Variants in ST14 observed in about 807,000 individuals in gnomAD.
ST14 encodes ST14 transmembrane serine protease matriptase, also known as suppressor of tumorigenicity 14 protein.
Under a neutral mutation model 96.5 loss-of-function variants are expected in ST14, and 40 were observed. The ratio of observed to expected loss-of-function variants is 0.41; its 90% CI spans 0.32 to 0.54. The LOEUF is 0.54. Among genes scored for constraint, ST14 ranks in the 20% least tolerant of loss-of-function variants. The pLI, the probability that ST14 is intolerant of heterozygous loss-of-function variation, is 0.17. For synonymous variants in ST14, 506 were observed against 492.1 expected, an observed-to-expected ratio of 1.03 and a Z score of -0.37; for missense variants, 1,066 against 1,188.9, an observed-to-expected ratio of 0.90 and a Z score of 1.52.
At chr11:130,169,429 G>A (rs1953070015) in intron 1 of ST14, among the ~76,000 whole-genome samples, 1 of 152,136 alleles carries the variant, frequency 6.6e-6, no homozygotes, top group African/African-American at 2.4e-5. Context: ...CACCATGTTA[G>A]TAGTAGAGGA....
chr11:130,183,961 T>C (rs1363827598), intron 1 of ST14, among the ~76,000 whole-genome samples: 2 of 152,230 alleles, frequency 1.3e-5, no homozygotes, highest in Admixed American at 1.3e-4. Context: ...CCAAAAGGTA[T>C]GCACTGCTGG....
intron 1 of ST14, among the ~76,000 whole-genome samples, chr11:130,172,785 C>T (rs1953104845): frequency 6.6e-6 from 1 of 152,148 alleles, no homozygotes; most frequent in African/African-American, 2.4e-5. Context: ...TGTGTATGTC[C>T]TTGTCTGGCT....
intron 1 of ST14, among the ~76,000 whole-genome samples, chr11:130,175,754 C>G (rs572991761): frequency 1.3e-5 from 2 of 151,812 alleles, no homozygotes; most frequent in East Asian, 1.9e-4. Context: ...ACCTCCACCC[C>G]CTGGGTTCAA....
chr11:130,190,420 C>G (rs769803248), intron 6 of ST14, 34 bp from the exon 7 acceptor site: 52 of 1,603,864 alleles, frequency 3.2e-5, no homozygotes, highest in Non-Finnish European at 4.2e-5. Flanking sequence ...CAGCCCTGCC[C>G]CCACACGTGC....
At chr11:130,167,369 T>C (rs1023382752) in intron 1 of ST14, among the ~76,000 whole-genome samples, 1 of 152,170 alleles carries the variant, frequency 6.6e-6, no homozygotes, top group Non-Finnish European at 1.5e-5. Context: ...AAATGTACAG[T>C]GTAAAATGTG....
At chr11:130,163,565 G>C (rs1247855847) in intron 1 of ST14, among the ~76,000 whole-genome samples, 1 of 152,164 alleles carries the variant, frequency 6.6e-6, no homozygotes, top group African/African-American at 2.4e-5. Flanking sequence ...AAACTTTAGA[G>C]AACTGCCTTT....
rs1953396284 is a variant in ST14, at chr11:130,198,712, T to A, written c.1684+91T>A. ...ACGCACATGCAGGACGCCCCGAGTT[T>A]AATGAACACAAACCACCTGTGTGTT... On this transcript the variant is annotated intron_variant, in intron 14 of 18. Coordinates refer to ENST00000278742, the MANE Select transcript of ST14 (RefSeq NM_021978.4). The A allele has an allele frequency of 2.9e-6, 4 of 1,369,444 alleles. No homozygotes were observed. In the East Asian group the frequency reaches 9.6e-5, roughly 33 times the overall value. 84.8% of individuals were successfully genotyped at this position (1,369,444 alleles called of 1,614,324 possible).
intron 16 of ST14, among the ~76,000 whole-genome samples, chr11:130,208,097 T>C (rs1050767015): frequency 6.6e-5 from 10 of 151,190 alleles, no homozygotes; most frequent in Non-Finnish European, 1.3e-4. Context: ...ATAAATAAAT[T>C]ATTTGGATTG....
chr11:130,196,595 G>A lies in ST14; in HGVS notation c.1249G>A (p.Val417Ile), dbSNP rs751947133. 32 of 1,612,626 alleles carry A rather than the reference G, an allele frequency of 2.0e-5. No individual in the cohort carries two copies. The Middle Eastern group carries it at 4.9e-4, about 25-fold the overall frequency. ...ATACTGCGGAGAGAGGTCCCAGTTC[G>A]TCGTCACCAGCAACAGCAACAAGAT... ...EKYCGERSQF[V>I]VTSNSNKITV... Residue 417 changes from valine (V) to isoleucine (I), a missense_variant, in exon 11 of 19, where the codon GTC becomes ATC. By Grantham distance (29) the Val-to-Ile change is conservative (BLOSUM62 3). Coordinates refer to ENST00000278742, the MANE Select transcript of ST14 (RefSeq NM_021978.4).
intron 16 of ST14, among the ~76,000 whole-genome samples, chr11:130,207,875 AGC>A (rs1470718467): frequency 6.6e-6 from 1 of 152,240 alleles, no homozygotes; most frequent in East Asian, 1.9e-4. Context: ...GATCGAGACC[AGC>A]CTGACCACCA....
intron 9 of ST14, among the ~76,000 whole-genome samples, 180 bp from the exon 10 acceptor site, chr11:130,196,159 C>CA (rs1953360019): frequency 6.6e-6 from 1 of 151,714 alleles, no homozygotes; most frequent in African/African-American, 2.4e-5. Context: ...GACTCCATCT[C>CA]AAAAAACAAA....
rs1197137551 is a variant in ST14, at chr11:130,188,901, G to A, written c.402G>A (p.Leu134=). The A allele has an allele frequency of 6.2e-7, 1 of 1,612,848 alleles. No individual in the cohort carries two copies. The highest frequency in any genetic ancestry group is 8.5e-7 in the Non-Finnish European group (1 of 1,179,594). Residue 134 remains leucine, a synonymous_variant, in exon 4 of 19, where the codon CTG becomes CTA. Coordinates refer to ENST00000278742, the MANE Select transcript of ST14 (RefSeq NM_021978.4). The surrounding 1 kb of genome is among the most constrained non-coding windows in gnomAD (Gnocchi z 5.4). ...TGCTGTACAGCGGAGTCCCATTCCT[G>A]GGCCCCTACCACAAGGAGTCGGCTG... is the stretch of plus-strand genomic sequence containing the variant. ...LKLLYSGVPF[L]GPYHKESAVT...
intron 1 of ST14, among the ~76,000 whole-genome samples, chr11:130,164,505 G>T (rs552512120): frequency 6.7e-6 from 1 of 149,688 alleles, no homozygotes; most frequent in East Asian, 2.0e-4. Flanking sequence ...CTGCCACTTT[G>T]ACCTCCCGGC....
chr11:130,168,408 G>C (rs545944625), intron 1 of ST14, among the ~76,000 whole-genome samples: 1 of 152,176 alleles, frequency 6.6e-6, no homozygotes, highest in Non-Finnish European at 1.5e-5. Flanking sequence ...GCCAGAGGAG[G>C]TGCAGACTGA....
chr11:130,174,115 C>G (rs908390369), intron 1 of ST14, among the ~76,000 whole-genome samples: 1 of 152,166 alleles, frequency 6.6e-6, no homozygotes, highest in East Asian at 1.9e-4. Flanking sequence ...TTCAAAACCA[C>G]GGACAGACCC....
chr11:130,189,781 C>G lies in ST14; in HGVS notation c.483C>G (p.Ile161Met). ...VIAYYWSEFS[I>M]PQHLVEEAER... Reference sequence around the variant, plus strand: ...CCTACTACTGGTCTGAGTTCAGCATCCCGCAGCACCTGGTGGAGGAGGCCG... The same window carrying G: ...CCTACTACTGGTCTGAGTTCAGCATGCCGCAGCACCTGGTGGAGGAGGCCG... Residue 161 changes from isoleucine to methionine, a missense_variant, in exon 5 of 19, where the codon ATC becomes ATG. Coordinates refer to ENST00000278742, the MANE Select transcript of ST14 (RefSeq NM_021978.4). 6.2e-7 allele frequency: 1 copy of G among 1,613,704 alleles called. No individual in the cohort carries two copies.
chr11:130,161,862 A>G (rs1327175754), intron 1 of ST14, among the ~76,000 whole-genome samples: 1 of 152,216 alleles, frequency 6.6e-6, no homozygotes, highest in Non-Finnish European at 1.5e-5. Context: ...AAGAACATCC[A>G]GTCTTGAGAG....
intron 1 of ST14, among the ~76,000 whole-genome samples, chr11:130,170,748 A>G (rs1180540751): frequency 6.6e-6 from 1 of 152,018 alleles, no homozygotes; most frequent in Non-Finnish European, 1.5e-5. Flanking sequence ...CCCTTAGACC[A>G]ATGTTAAAGG....
intron 1 of ST14, among the ~76,000 whole-genome samples, chr11:130,163,933 C>T (rs1953021863): frequency 6.6e-6 from 1 of 152,198 alleles, no homozygotes; most frequent in Non-Finnish European, 1.5e-5. Context: ...GAACGAGTCA[C>T]AGCTCCCTCC....
Sources: gnomAD v4.1 joint callset for allele counts (sites outside exome capture counted in the v4.1 genomes callset) on GRCh38, gnomAD v4.1.1 for gene constraint, Gnocchi (gnomAD v3.1) non-coding constraint, MANE v1.5 for transcripts, NCBI Gene and HGNC (gene_info 2026-07-23, HGNC 2026-07-21) for gene names.